The following NLN variants were observed in gnomAD, a reference collection of about 807,000 sequenced individuals.
NLN encodes neurolysin.
Under a neutral mutation model 79.9 loss-of-function variants are expected in NLN, and 64 were observed. That is an observed-to-expected ratio of 0.80 (90% confidence interval 0.65 to 0.99). NLN has a LOEUF of 0.99. Ranked by LOEUF, NLN falls within the 50% of genes least tolerant of loss-of-function variation. NLN has a pLI of 0.00. For missense variants in NLN, 835 were observed against 858.7 expected, an observed-to-expected ratio of 0.97 and a Z score of 0.34; for synonymous variants, 267 against 296.6, an observed-to-expected ratio of 0.90 and a Z score of 1.02.
chr5:65,817,031 C>T (rs928888287), intron 12 of NLN, among the ~76,000 whole-genome samples: 1 of 152,076 alleles, frequency 6.6e-6, no homozygotes, highest in African/African-American at 2.4e-5. Context: ...TCCTACAAAC[C>T]CCAGGGTCTG....
chr5:65,758,656 G>C lies in NLN; in HGVS notation c.131G>C (p.Gly44Ala). Reference sequence around the variant, plus strand: ...GCAATGTCTTCCTATACTGTGGCTGGCAGAAATGTTTTAAGATGGGATCTT... The same window carrying C: ...GCAATGTCTTCCTATACTGTGGCTGCCAGAAATGTTTTAAGATGGGATCTT... ...LQAMSSYTVA[G>A]RNVLRWDLSP... The change falls in exon 2 of 13, where the codon GGC (glycine) becomes GCC (alanine). Residue 44 changes from glycine to alanine, a missense_variant. Gly to Ala is a moderately conservative substitution (Grantham distance 60, BLOSUM62 0). Coordinates refer to ENST00000380985, the MANE Select transcript of NLN (RefSeq NM_020726.5). The C allele has an allele frequency of 6.2e-7, 1 of 1,613,554 alleles. No homozygotes were observed. Among genetic ancestry groups the C allele is most frequent in the African/African-American group, 1.3e-5 (1 of 74,994 alleles).
At chr5:65,813,594 A>G (rs762015919) in intron 12 of NLN, among the ~76,000 whole-genome samples, 12 of 152,000 alleles carry the variant, frequency 7.9e-5, no homozygotes, top group Non-Finnish European at 1.6e-4. Flanking sequence ...CACCTCTCTC[A>G]TCTGTCAGCA....
chr5:65,764,167 G>A (rs1456240462), intron 3 of NLN, among the ~76,000 whole-genome samples: 1 of 151,658 alleles, frequency 6.6e-6, no homozygotes, highest in Non-Finnish European at 1.5e-5. Context: ...AGTTTCCTTT[G>A]ATTAATCCTA....
chr5:65,738,258 A>T (rs1193155118), intron 1 of NLN, among the ~76,000 whole-genome samples: 1 of 152,134 alleles, frequency 6.6e-6, no homozygotes, highest in Non-Finnish European at 1.5e-5. Context: ...GATATGGAAG[A>T]TCAGGGAAAA....
chr5:65,747,886 G>A (rs1299693435), intron 1 of NLN, among the ~76,000 whole-genome samples: 3 of 152,236 alleles, frequency 2.0e-5, no homozygotes, highest in Non-Finnish European at 4.4e-5. Flanking sequence ...GACACAGGAG[G>A]GCCAGAGTGG....
At chr5:65,740,767 T>C (rs967455714) in intron 1 of NLN, 12 of 151,064 alleles carry the variant, frequency 7.9e-5, no homozygotes, top group African/African-American at 2.7e-4. Flanking sequence ...ATCAGCTATG[T>C]GTCTGTTTTA....
intron 1 of NLN, among the ~76,000 whole-genome samples, chr5:65,740,238 C>T (rs1055101259): frequency 6.6e-6 from 1 of 152,132 alleles, no homozygotes. Context: ...TGGTGAGGGC[C>T]TTCTCAGTGT....
intron 1 of NLN, among the ~76,000 whole-genome samples, chr5:65,751,067 GT>G (rs1206975336): frequency 3.9e-5 from 6 of 152,336 alleles, no homozygotes; most frequent in African/African-American, 1.4e-4. Context: ...TTCCGGTCTT[GT>G]GGGGAGATTG....
intron 1 of NLN, among the ~76,000 whole-genome samples, chr5:65,738,999 T>TATATATATAAATA (rs1758809968): frequency 1.7e-5 from 2 of 117,152 alleles, no homozygotes; most frequent in African/African-American, 6.5e-5. Flanking sequence ...TATATATATT[T>TATATATATAAATA]TATAATATAT....
At chr5:65,728,794 A>G (rs942109572) in intron 1 of NLN, among the ~76,000 whole-genome samples, 1 of 152,188 alleles carries the variant, frequency 6.6e-6, no homozygotes, top group African/African-American at 2.4e-5. Context: ...AAATTTATTT[A>G]TATGGAAAAT....
In NLN at chr5:65,828,779, A is replaced by G. The variant is rs899908872; in HGVS notation, c.*5864A>G. The G allele has an allele frequency of 6.6e-6, 1 of 152,174 alleles. No homozygotes were observed. The highest frequency in any genetic ancestry group is 1.5e-5 in the Non-Finnish European group (1 of 68,040). 9.4% of individuals were successfully genotyped at this position (152,174 alleles called of 1,614,324 possible). A position where few individuals can be genotyped will look rare whatever the true frequency, so the allele number is the denominator to read the frequency against. ...GCTTCTCCAGCTTTTAAGATGCGAT[A>G]ATGATAAGATGATCATCGGGAAAAC... On this transcript the variant is annotated 3_prime_UTR_variant, in exon 13 of 13. Coordinates refer to ENST00000380985, the MANE Select transcript of NLN (RefSeq NM_020726.5).
intron 1 of NLN, among the ~76,000 whole-genome samples, chr5:65,741,601 G>A (rs1185317663): frequency 1.3e-5 from 2 of 152,072 alleles, no homozygotes; most frequent in Admixed American, 6.5e-5. Context: ...AATTTACTAA[G>A]GACTTCAATT....
chr5:65,780,284 A>ATGATTTCATTGAC lies in NLN; in HGVS notation c.661+3_661+4insTGATTTCATTGAC, dbSNP rs773979852. ...TGTATTTTCCAAGGCTGAACTTGGT[A>ATGATTTCATTGAC]AGTTTTATTATTTTTCTAGATTAAA... On this transcript the variant is annotated splice_donor_region_variant and intron_variant, in intron 5 of 12. Coordinates refer to ENST00000380985, the MANE Select transcript of NLN (RefSeq NM_020726.5). The ATGATTTCATTGAC allele has an allele frequency of 8.1e-7, 1 of 1,229,828 alleles. No homozygotes were observed. Among genetic ancestry groups the ATGATTTCATTGAC allele is most frequent in the Non-Finnish European group, 1.2e-6 (1 of 862,060 alleles). 76.2% of individuals were successfully genotyped at this position (1,229,828 alleles called of 1,614,324 possible).
Position 65,822,879 on chromosome 5 carries a change from AG to A in NLN, c.2080del (p.Ala694ArgfsTer3). ...NFLKREPNQK[A>X]FLMSRGLHAP Reference sequence around the variant, plus strand: ...TCTTGAAACGTGAGCCAAACCAAAAAGCGTTCCTAATGAGTAGAGGCCTGCA... The same window carrying A: ...TCTTGAAACGTGAGCCAAACCAAAAACGTTCCTAATGAGTAGAGGCCTGCA... On this transcript the variant is annotated frameshift_variant, in exon 13 of 13. Coordinates refer to ENST00000380985, the MANE Select transcript of NLN (RefSeq NM_020726.5). LOFTEE classifies it high-confidence loss of function. 6.2e-7 allele frequency: 1 copy of A among 1,613,656 alleles called. No individual in the cohort carries two copies. Among genetic ancestry groups the A allele is most frequent in the East Asian group, 2.2e-5 (1 of 44,880 alleles).
chr5:65,820,324 G>A (rs906345719), intron 12 of NLN, among the ~76,000 whole-genome samples: 1 of 152,182 alleles, frequency 6.6e-6, no homozygotes, highest in Non-Finnish European at 1.5e-5. Context: ...ATTGATGATT[G>A]AGACTGGATG....
At chr5:65,782,520 C>T (rs1437077956) in intron 6 of NLN, among the ~76,000 whole-genome samples, 1 of 152,180 alleles carries the variant, frequency 6.6e-6, no homozygotes, top group Non-Finnish European at 1.5e-5. Flanking sequence ...TCTCACTCTT[C>T]CTCCATTTAA....
At chr5:65,778,151 G>A (rs562989880) in intron 4 of NLN, among the ~76,000 whole-genome samples, 1 of 152,258 alleles carries the variant, frequency 6.6e-6, no homozygotes, top group Non-Finnish European at 1.5e-5. Flanking sequence ...ACCTTGGAAT[G>A]GAGTATCCTA....
chr5:65,723,632 G>A (rs1190892730), intron 1 of NLN, among the ~76,000 whole-genome samples: 2 of 151,872 alleles, frequency 1.3e-5, no homozygotes, highest in East Asian at 1.9e-4. Flanking sequence ...GGCTAACACG[G>A]TGAAACCCCG....
intron 9 of NLN, among the ~76,000 whole-genome samples, chr5:65,799,343 A>G (rs901827134): frequency 3.9e-5 from 6 of 152,256 alleles, no homozygotes; most frequent in Admixed American, 1.3e-4. Context: ...TAAAAGCATA[A>G]TATTAAGTAA....
Sources: gnomAD v4.1 joint callset for allele counts (sites outside exome capture counted in the v4.1 genomes callset) on GRCh38, gnomAD v4.1.1 for gene constraint, MANE v1.5 for transcripts, NCBI Gene and HGNC (gene_info 2026-07-23, HGNC 2026-07-21) for gene names.